KDM4F: variants seen among roughly 807,000 people sequenced by gnomAD.
KDM4F encodes probable lysine-specific demethylase 4F.
For synonymous variants in KDM4F, 223 were observed against 184.4 expected (o/e 1.21, Z -1.70); for missense variants, 586 against 496.4 (o/e 1.18, Z -1.71).
At chr11:95,051,302 C>G (rs370291860) in exon 1 of KDM4F, 6 of 398,570 alleles carry the variant, frequency 1.5e-5, no homozygotes, top group Admixed American at 4.4e-5. Flanking sequence ...ATCCTCTGGA[C>G]CCATGGCCAT....
chr11:95,049,871 C>A, exon 1 of KDM4F: 1 of 1,608,554 alleles, frequency 6.2e-7, no homozygotes, highest in Non-Finnish European at 8.5e-7. Flanking sequence ...AACAATGGAA[C>A]CTAGGACACC....
chr11:95,051,314 G>A (rs548299396), exon 1 of KDM4F: 9 of 398,532 alleles, frequency 2.3e-5, no homozygotes, highest in East Asian at 3.6e-5. Flanking sequence ...CATGGCCATT[G>A]AATATGGTGT....
rs559319300 is a variant in KDM4F, at chr11:95,049,959, G to T, written c.538G>T (p.Gly180Cys). ...TGTCAACACACCCTACCTGTACTTT[G>T]GCATGTGGAAGACCACGTTTGCTTG... The change falls in exon 1 of 1, where the codon GGC (glycine) becomes TGC (cysteine). Residue 180 changes from glycine to cysteine, a missense_variant. By Grantham distance (159) the Gly-to-Cys change is radical (BLOSUM62 -3). Coordinates refer to ENST00000545950, the Ensembl canonical transcript of KDM4F. 10 of 1,614,206 alleles carry T rather than the reference G, an allele frequency of 6.2e-6. No individual in the cohort carries two copies. The East Asian group carries it at 1.6e-4, about 25-fold the overall frequency.
At chr11:95,051,123 C>T (rs1555105472) in exon 1 of KDM4F, 1 of 400,534 alleles carries the variant, frequency 2.5e-6, no homozygotes, top group African/African-American at 2.1e-5. Flanking sequence ...CTGGAAATCC[C>T]CGGTGAATCT....
chr11:95,050,738 C>T (rs1858503353), exon 1 of KDM4F: 1 of 644,630 alleles, frequency 1.6e-6, no homozygotes, highest in Non-Finnish European at 2.8e-6. Context: ...GTGGTCGAGG[C>T]CGTGGTCGTC....
exon 1 of KDM4F, chr11:95,051,054 A>G (rs1190100840): frequency 1.2e-5 from 5 of 418,316 alleles, no homozygotes; most frequent in African/African-American, 2.1e-5. Flanking sequence ...TGTTGTCCCT[A>G]TGACTCCTCC....
exon 1 of KDM4F, chr11:95,050,711 TGGTCGTGGTCGAGGTCGTGGTCGA>T (rs1295056827): frequency 1.6e-6 from 1 of 630,674 alleles, no homozygotes; most frequent in South Asian, 1.9e-5. Context: ...GTCGTGGCTG[TGGTCGTGGTCGAGGTCGTGGTCGA>T]GGCCGTGGTC....
At chr11:95,049,945 C>T in exon 1 of KDM4F, 1 of 1,614,098 alleles carries the variant, frequency 6.2e-7, no homozygotes, top group Non-Finnish European at 8.5e-7. Flanking sequence ...GTCAACACAC[C>T]CTACCTGTAC....
exon 1 of KDM4F, chr11:95,049,495 T>G: frequency 6.4e-7 from 1 of 1,570,650 alleles, no homozygotes; most frequent in Non-Finnish European, 8.6e-7. Flanking sequence ...ATGGAAGAAT[T>G]TGCAGATTTC....
At chr11:95,049,677 T>C (rs1858491030) in exon 1 of KDM4F, 5 of 1,601,186 alleles carry the variant, frequency 3.1e-6, no homozygotes, top group Non-Finnish European at 3.4e-6. Flanking sequence ...GTTTACTCAA[T>C]ACCATAAAAA....
exon 1 of KDM4F, chr11:95,049,794 A>G (rs370615676): frequency 1.5e-5 from 24 of 1,596,574 alleles, no homozygotes; most frequent in East Asian, 9.0e-5. Context: ...ATACTGGAAG[A>G]GCCACCCCGG....
chr11:95,050,425 A>G (rs1858499871), exon 1 of KDM4F: 1 of 833,118 alleles, frequency 1.2e-6, no homozygotes, highest in African/African-American at 1.7e-5. Flanking sequence ...CTCTGGAAAC[A>G]CAGGCAAGAC....
chr11:95,049,494 T>A (rs564294671), exon 1 of KDM4F: 3 of 1,569,594 alleles, frequency 1.9e-6, no homozygotes, highest in Non-Finnish European at 2.6e-6. Flanking sequence ...CATGGAAGAA[T>A]TTGCAGATTT....
At chr11:95,050,314 T>C in exon 1 of KDM4F, 3 of 1,341,288 alleles carry the variant, frequency 2.2e-6, no homozygotes, top group Non-Finnish European at 3.2e-6. Flanking sequence ...CCACGATGGA[T>C]TGATTATGGT....
chr11:95,051,079 C>G, exon 1 of KDM4F: 1 of 411,076 alleles, frequency 2.4e-6, no homozygotes, highest in Non-Finnish European at 4.3e-6. Context: ...GTCACTGTGC[C>G]TTTGATTACA....
Position 95,050,040 on chromosome 11 carries a change from A to G in KDM4F, c.619A>G (p.Lys207Glu). 13 of 1,611,398 alleles carry G rather than the reference A, an allele frequency of 8.1e-6. No homozygotes were observed. In the South Asian group the frequency reaches 1.2e-4, roughly 15 times the overall value. Reference sequence around the variant, plus strand: ...CAACTACCTGCACTTTGGGGAGCCCAAAACTTGGTACGTGGTGCCCCCAGA... The same window carrying G: ...CAACTACCTGCACTTTGGGGAGCCCGAAACTTGGTACGTGGTGCCCCCAGA... The change falls in exon 1 of 1, where the codon AAA becomes GAA. Residue 207 changes from lysine to glutamate, a missense_variant. Physicochemically the swap from Lys to Glu is moderately conservative, Grantham distance 56. Coordinates refer to ENST00000545950, the Ensembl canonical transcript of KDM4F.
chr11:95,050,065 A>C, exon 1 of KDM4F: 1 of 1,602,008 alleles, frequency 6.2e-7, no homozygotes. Flanking sequence ...GTGCCCCCAG[A>C]ACATGGTCAG....
chr11:95,049,702 G>C, exon 1 of KDM4F: 1 of 1,604,154 alleles, frequency 6.2e-7, no homozygotes. Flanking sequence ...AAAGCCATGA[G>C]GGTGGGGCAG....
chr11:95,051,091 T>C (rs73526103), exon 1 of KDM4F: 5,870 of 409,682 alleles, frequency 0.014, 314 homozygotes, highest in African/African-American at 0.11. Context: ...TTGATTACAT[T>C]GTCCAGGGAC....
Sources: gnomAD v4.1 joint callset for allele counts on GRCh38, gnomAD v4.1.1 for gene constraint, MANE v1.5 for transcripts, NCBI Gene and HGNC (gene_info 2026-07-23, HGNC 2026-07-21) for gene names.